FAIM: variants seen among roughly 807,000 people sequenced by gnomAD.
The protein encoded by FAIM is fas apoptotic inhibitory molecule 1.
FAIM carries 14 observed loss-of-function variants against 21.2 expected under a neutral mutation model. That is an observed-to-expected ratio of 0.66 (90% CI 0.44 to 1.03). The LOEUF is 1.03. Ranked by LOEUF, FAIM falls within the 50% of genes least tolerant of loss-of-function variation. The pLI is 0.00. For synonymous variants in FAIM, 86 were observed against 80.4 expected (o/e 1.07, Z -0.37); for missense variants, 222 against 247.1 (o/e 0.90, Z 0.68).
At position 138,633,162 on chromosome 3, in the gene FAIM, C is replaced by T. The variant is rs544702204; in HGVS notation, c.*83C>T. ...TGTGTTCAGTATGTACTTATCAGTA[C>T]ATTTAGTCTGCAATGTTTTAATTTT... On this transcript the variant is annotated 3_prime_UTR_variant, in exon 6 of 6. Transcript: ENST00000360570. 924 of 1,178,192 alleles carry T rather than the reference C, an allele frequency of 7.8e-4. No individual in the cohort carries two copies. The highest frequency in any genetic ancestry group is 1.0e-3 in the Non-Finnish European group (892 of 876,246). The allele number at this position is 1,178,192 out of a possible 1,614,324, so 73.0% of individuals were successfully genotyped here.
chr3:138,609,582 TCTCTCTCTCGA>T (rs2042740836), intron 1 of FAIM, among the ~76,000 whole-genome samples: 1 of 22,926 alleles, frequency 4.4e-5, no homozygotes, highest in Non-Finnish European at 8.5e-5. Flanking sequence ...CTCTCGACTC[TCTCTCTCTCGA>T]CTCTCTCTCT....
At chr3:138,627,558 A>G (rs2042951959) in intron 4 of FAIM, among the ~76,000 whole-genome samples, 1 of 152,224 alleles carries the variant, frequency 6.6e-6, no homozygotes, top group Non-Finnish European at 1.5e-5. Flanking sequence ...CTTCAGAGGC[A>G]TGCTAATACG....
At chr3:138,618,022 T>C (rs948986561) in intron 1 of FAIM, among the ~76,000 whole-genome samples, 3 of 150,430 alleles carry the variant, frequency 2.0e-5, no homozygotes, top group African/African-American at 7.3e-5. Context: ...TCATCCAGGC[T>C]GGAGTGCGGT....
chr3:138,620,822 T>A (rs1027935567), intron 2 of FAIM, among the ~76,000 whole-genome samples: 7 of 152,260 alleles, frequency 4.6e-5, no homozygotes, highest in Non-Finnish European at 1.0e-4. Flanking sequence ...TAAGATTTCC[T>A]GTAATAATGC....
Position 138,622,302 on chromosome 3 carries a change from GAATATACTCTGGA to G in FAIM, c.296_308del (p.Tyr99LeufsTer54). On this transcript the variant is annotated frameshift_variant, in exon 4 of 6. Transcript: ENST00000360570. LOFTEE classifies it high-confidence loss of function. ...AGACGCTATCAGTGGTTTTGCTTAT[GAATATACTCTGGA>G]AATTAATGGGAAAAGTCTCAAGAAG... is the stretch of plus-strand genomic sequence containing the variant. 6.2e-7 allele frequency: 1 copy of G among 1,613,964 alleles called. No individual in the cohort carries two copies.
chr3:138,615,948 C>T (rs1416707297), intron 1 of FAIM, among the ~76,000 whole-genome samples: 1 of 152,176 alleles, frequency 6.6e-6, no homozygotes, highest in Non-Finnish European at 1.5e-5. Context: ...TTTTCTTAAA[C>T]ATTAGATGGG....
intron 4 of FAIM, among the ~76,000 whole-genome samples, chr3:138,625,969 A>G (rs2042934368): frequency 6.6e-6 from 1 of 152,212 alleles, no homozygotes; most frequent in Non-Finnish European, 1.5e-5. Context: ...TCTCCACACC[A>G]CTGAATACCA....
chr3:138,610,851 G>A, intron 1 of FAIM: 1 of 887,476 alleles, frequency 1.1e-6, no homozygotes. Context: ...CCAAAGTGCT[G>A]GGATTACGGG....
chr3:138,632,871 G>T (rs1395526546), intron 5 of FAIM, 59 bp from the exon 6 acceptor site: 1 of 1,557,952 alleles, frequency 6.4e-7, no homozygotes, highest in African/African-American at 1.4e-5. Context: ...TGGTGTGAAT[G>T]CTCTAGACAG....
chr3:138,628,685 G>A (rs538577865), intron 4 of FAIM, among the ~76,000 whole-genome samples: 59 of 151,912 alleles, frequency 3.9e-4, no homozygotes, highest in African/African-American at 1.3e-3. Flanking sequence ...GGGTTTCACC[G>A]TATTAGCCAG....
chr3:138,628,535 A>G (rs1424702827), intron 4 of FAIM, among the ~76,000 whole-genome samples: 1 of 151,640 alleles, frequency 6.6e-6, no homozygotes, highest in African/African-American at 2.4e-5. Context: ...CCCAGGCTAG[A>G]GTGCAGTGGT....
At chr3:138,620,494 C>A (rs143817709) in intron 2 of FAIM, among the ~76,000 whole-genome samples, 4 of 152,140 alleles carry the variant, frequency 2.6e-5, no homozygotes, top group African/African-American at 9.6e-5. Context: ...AAACCAAAAT[C>A]CTTTATTTAT....
intron 1 of FAIM, among the ~76,000 whole-genome samples, chr3:138,612,322 C>G (rs1035657042): frequency 2.0e-5 from 3 of 152,004 alleles, no homozygotes; most frequent in Non-Finnish European, 2.9e-5. Context: ...AGGATGGTCT[C>G]GAACTCCTGA....
Position 138,629,146 on chromosome 3 carries a change from T to C in FAIM, c.446T>C (p.Leu149Ser), listed in dbSNP as rs13043. Reference protein sequence around the residue: ...AMDVWCNGKKLETAGEFVDDG... With the variant: ...AMDVWCNGKKSETAGEFVDDG... ...GACGTATGGTGCAATGGTAAAAAATTGGAGACAGCGGTAAGTTGACTATTT... is the reference window on the plus strand; with the variant it reads ...GACGTATGGTGCAATGGTAAAAAATCGGAGACAGCGGTAAGTTGACTATTT... The change falls in exon 5 of 6, where the codon TTG becomes TCG. Residue 149 changes from leucine to serine, a missense_variant. Leu to Ser is a moderately radical substitution (Grantham distance 145). Coordinates refer to ENST00000360570, the MANE Select transcript of FAIM (RefSeq NM_001033031.2). The C allele has an allele frequency of 0.041, 66,724 of 1,610,072 alleles. 11,591 individuals carry two copies. The African/African-American group carries it at 0.54, about 13-fold the overall frequency.
At chr3:138,620,548 C>T (rs1211121132) in intron 2 of FAIM, among the ~76,000 whole-genome samples, 2 of 152,152 alleles carry the variant, frequency 1.3e-5, no homozygotes, top group Non-Finnish European at 2.9e-5. Context: ...CGGGCTGGAA[C>T]GTGGTGGTGC....
intron 1 of FAIM, among the ~76,000 whole-genome samples, chr3:138,615,986 G>A (rs766510719): frequency 1.2e-4 from 19 of 152,258 alleles, no homozygotes; most frequent in South Asian, 4.2e-4. Context: ...ATTGTTTGTG[G>A]TAAGATCATT....
intron 4 of FAIM, among the ~76,000 whole-genome samples, chr3:138,626,274 C>G (rs2042938288): frequency 6.6e-6 from 1 of 152,030 alleles, no homozygotes; most frequent in Non-Finnish European, 1.5e-5. Flanking sequence ...ATTAACATAC[C>G]ACTTTGAATA....
At chr3:138,609,011 A>C (rs1359080049) in intron 1 of FAIM, 74 bp downstream of exon 1, 1 of 152,230 alleles carries the variant, frequency 6.6e-6, no homozygotes, top group Non-Finnish European at 1.5e-5. Context: ...CCCGCTCCGC[A>C]CCCTGGAAAC....
At chr3:138,627,837 C>T (rs1336107922) in intron 4 of FAIM, among the ~76,000 whole-genome samples, 2 of 152,138 alleles carry the variant, frequency 1.3e-5, no homozygotes, top group Admixed American at 6.6e-5. Context: ...AAGTGAGGCT[C>T]CCATCTCAAG....
Sources: allele counts gnomAD v4.1 joint callset (sites outside exome capture counted in the v4.1 genomes callset), GRCh38; gene constraint gnomAD v4.1.1; transcripts MANE v1.5; gene names NCBI Gene and HGNC (gene_info 2026-07-23, HGNC 2026-07-21).